Variants in LAPTM4B observed in about 807,000 individuals in gnomAD.
LAPTM4B encodes lysosomal protein transmembrane 4 beta.
LAPTM4B carries 26 observed loss-of-function variants against 28.5 expected under a neutral mutation model. The observed-to-expected ratio is 0.91, with a 90% CI of 0.67 to 1.27. The LOEUF (loss-of-function observed/expected upper bound fraction) is 1.27, where lower values mean the gene tolerates loss of function less well. Ranked by LOEUF, LAPTM4B falls within the 50% of genes most tolerant of loss-of-function variation. The pLI is 0.00. For missense variants in LAPTM4B, 288 were observed against 285.8 expected (o/e 1.01, Z -0.06); for synonymous variants, 109 against 106.4 (o/e 1.02, Z -0.15).
In LAPTM4B at chr8:97,775,900, G is replaced by C; in HGVS notation, c.-110G>C. Reference sequence around the variant, plus strand: ...CCGCGGGCGCACGGGCGAGCGGGCCGGGAGCCGGAGCGGCGGAGGAGCCGG... The same window carrying C: ...CCGCGGGCGCACGGGCGAGCGGGCCCGGAGCCGGAGCGGCGGAGGAGCCGG... On this transcript the variant is annotated 5_prime_UTR_variant, in exon 1 of 7. Coordinates refer to ENST00000521545, the MANE Select transcript of LAPTM4B (RefSeq NM_018407.6). 1 of 1,459,404 alleles carries C rather than the reference G, an allele frequency of 6.9e-7. No individual in the cohort carries two copies. Among genetic ancestry groups the C allele is most frequent in the Non-Finnish European group, 9.0e-7 (1 of 1,114,434 alleles). The allele number at this position is 1,459,404 out of a possible 1,614,324, so 90.4% of individuals were successfully genotyped here.
intron 6 of LAPTM4B, among the ~76,000 whole-genome samples, chr8:97,831,227 G>A (rs1160133000): frequency 3.3e-5 from 5 of 152,164 alleles, no homozygotes; most frequent in South Asian, 2.1e-4. Context: ...CAGATTGTAC[G>A]GAGGTAGGAA....
intron 2 of LAPTM4B, among the ~76,000 whole-genome samples, chr8:97,813,947 A>G (rs930532176): frequency 6.6e-6 from 1 of 152,230 alleles, no homozygotes; most frequent in Non-Finnish European, 1.5e-5. Context: ...TCATTTTTAT[A>G]AAATTATTTC....
chr8:97,782,845 C>CT (rs1292773268), intron 1 of LAPTM4B, among the ~76,000 whole-genome samples: 1 of 151,960 alleles, frequency 6.6e-6, no homozygotes, highest in Non-Finnish European at 1.5e-5. Flanking sequence ...GATTCTCCTG[C>CT]TTCAGCCTCC....
At chr8:97,825,468 T>G (rs965778445) in intron 6 of LAPTM4B, among the ~76,000 whole-genome samples, 21 of 152,240 alleles carry the variant, frequency 1.4e-4, no homozygotes, top group Admixed American at 6.5e-5. Flanking sequence ...CCATGGTGTA[T>G]AATTCTAGAT....
chr8:97,789,148 A>G (rs1342117985), intron 1 of LAPTM4B, among the ~76,000 whole-genome samples: 1 of 150,920 alleles, frequency 6.6e-6, no homozygotes, highest in Admixed American at 6.6e-5. Context: ...ATCTCGACTT[A>G]CTGCAACCTC....
intron 1 of LAPTM4B, among the ~76,000 whole-genome samples, chr8:97,795,236 A>G (rs1816563902): frequency 6.6e-6 from 1 of 152,100 alleles, no homozygotes; most frequent in African/African-American, 2.4e-5. Context: ...AGTAGCTGGG[A>G]CCACAGGTGC....
chr8:97,802,040 C>A (rs1816691915), intron 1 of LAPTM4B, among the ~76,000 whole-genome samples: 1 of 152,032 alleles, frequency 6.6e-6, no homozygotes, highest in African/African-American at 2.4e-5. Context: ...TATGAAATTT[C>A]TTGGATCTTT....
At chr8:97,782,325 A>T (rs1427983826) in intron 1 of LAPTM4B, among the ~76,000 whole-genome samples, 1 of 86,432 alleles carries the variant, frequency 1.2e-5, no homozygotes, top group African/African-American at 4.8e-5. Flanking sequence ...ATCTCACTCT[A>T]TTGCCCAGGC....
intron 5 of LAPTM4B, among the ~76,000 whole-genome samples, chr8:97,823,327 A>C (rs1456856337): frequency 6.7e-6 from 1 of 149,200 alleles, no homozygotes; most frequent in East Asian, 2.0e-4. Context: ...ATGCGAATAC[A>C]ATCATCATAC....
chr8:97,795,267 ATATTAT>A (rs1178296968), intron 1 of LAPTM4B, among the ~76,000 whole-genome samples: 2 of 151,750 alleles, frequency 1.3e-5, no homozygotes, highest in South Asian at 2.1e-4. Context: ...ACCTGGCTAA[ATATTAT>A]TATTATTTGT....
At chr8:97,816,938 TAAAA>T (rs71271158) in intron 4 of LAPTM4B, among the ~76,000 whole-genome samples, 68,086 of 150,798 alleles carry the variant, frequency 0.45, 15,737 homozygotes, top group East Asian at 0.58. Flanking sequence ...AGATCTCATC[TAAAA>T]AAAAAGAAAA....
chr8:97,845,094 G>GCTAGT (rs926431170), intron 6 of LAPTM4B, among the ~76,000 whole-genome samples: 1 of 152,080 alleles, frequency 6.6e-6, no homozygotes, highest in African/African-American at 2.4e-5. Context: ...AGTCTGCTTT[G>GCTAGT]CTAGTTGCTG....
chr8:97,805,645 A>G (rs971220970), intron 2 of LAPTM4B, among the ~76,000 whole-genome samples, 181 bp downstream of exon 2: 1 of 150,092 alleles, frequency 6.7e-6, no homozygotes, highest in African/African-American at 2.4e-5. Context: ...TCTAAATAAG[A>G]TCTATTTTCA....
At chr8:97,814,092 C>T (rs1816866079) in intron 2 of LAPTM4B, among the ~76,000 whole-genome samples, 1 of 152,172 alleles carries the variant, frequency 6.6e-6, no homozygotes, top group African/African-American at 2.4e-5. Flanking sequence ...TGACTTATGC[C>T]TATAATCCCA....
chr8:97,813,196 T>G (rs1309683668), intron 2 of LAPTM4B, among the ~76,000 whole-genome samples: 1 of 152,124 alleles, frequency 6.6e-6, no homozygotes, highest in African/African-American at 2.4e-5. Flanking sequence ...TCCCAAAACC[T>G]CAAAAGTAGG....
intron 1 of LAPTM4B, among the ~76,000 whole-genome samples, chr8:97,794,876 G>A (rs1030234077): frequency 6.6e-6 from 1 of 152,036 alleles, no homozygotes; most frequent in Non-Finnish European, 1.5e-5. Flanking sequence ...ACCATGCCCG[G>A]CTAATTTTTG....
At chr8:97,845,705 AG>A (rs1817417763) in intron 6 of LAPTM4B, among the ~76,000 whole-genome samples, 1 of 152,018 alleles carries the variant, frequency 6.6e-6, no homozygotes, top group African/African-American at 2.4e-5. Flanking sequence ...CACCCTCCCC[AG>A]GAAAATAAAC....
chr8:97,842,624 T>A (rs1184798886), intron 6 of LAPTM4B, among the ~76,000 whole-genome samples: 2 of 152,140 alleles, frequency 1.3e-5, no homozygotes, highest in East Asian at 3.9e-4. Context: ...GTTCAAGCAT[T>A]TCTCCTGCCT....
At chr8:97,792,440 G>A (rs905518192) in intron 1 of LAPTM4B, among the ~76,000 whole-genome samples, 4 of 152,150 alleles carry the variant, frequency 2.6e-5, no homozygotes, top group African/African-American at 9.6e-5. Context: ...ATTTTTTGTA[G>A]ATATGGGTTT....
Sources: allele counts gnomAD v4.1 joint callset (sites outside exome capture counted in the v4.1 genomes callset), GRCh38; gene constraint gnomAD v4.1.1; transcripts MANE v1.5; gene names NCBI Gene and HGNC (gene_info 2026-07-23, HGNC 2026-07-21).